The following SLC22A12 variants were observed in gnomAD, a reference collection of about 807,000 sequenced individuals.
SLC22A12 encodes the protein solute carrier family 22 member 12.
Under a neutral mutation model 52.7 loss-of-function variants are expected in SLC22A12, and 56 were observed. The observed-to-expected ratio is 1.06, with a 90% CI of 0.86 to 1.33. SLC22A12 has a LOEUF of 1.33. SLC22A12 is among the 40% of genes most tolerant of loss of function. The pLI, the probability that SLC22A12 is intolerant of heterozygous loss-of-function variation, is 0.00. For synonymous variants in SLC22A12, 337 were observed against 324.6 expected, an observed-to-expected ratio of 1.04 and a Z score of -0.41; for missense variants, 683 against 741.5, an observed-to-expected ratio of 0.92 and a Z score of 0.92.
At chr11:64,598,733 C>T in intron 5 of SLC22A12, 75 bp from the exon 6 acceptor site, 1 of 1,606,128 alleles carries the variant, frequency 6.2e-7, no homozygotes, top group Non-Finnish European at 8.5e-7. Flanking sequence ...CCTCAGCTCC[C>T]TGGGAAGAAG....
intron 4 of SLC22A12, among the ~76,000 whole-genome samples, chr11:64,595,240 GGATGGA>G (rs2039104096): frequency 2.9e-5 from 4 of 136,544 alleles, no homozygotes; most frequent in Non-Finnish European, 6.3e-5. Context: ...ATGGATGGAT[GGATGGA>G]TGGATGGAAT....
intron 4 of SLC22A12, among the ~76,000 whole-genome samples, chr11:64,594,440 A>C (rs2039020410): frequency 6.6e-6 from 1 of 152,248 alleles, no homozygotes; most frequent in African/African-American, 2.4e-5. Context: ...GTGCTAAATA[A>C]ATATTTGTTG....
rs1287878580 is a variant in SLC22A12 at position 64,598,558 on chromosome 11, G to A, written c.873G>A (p.Arg291=). The A allele has an allele frequency of 6.2e-7, 1 of 1,603,984 alleles. No homozygotes were observed. Among genetic ancestry groups the A allele is most frequent in the East Asian group, 2.3e-5 (1 of 44,424 alleles). The part of the protein sequence containing the change: ...ESARWLLTTG[R]LDWGLQELWR... ...CACGATGGCTCCTCACCACAGGCAG[G>A]CTGGATTGGGGCCTGCAGGAGCTGT... The change falls in exon 5 of 10, where the codon AGG becomes AGA. Residue 291 remains arginine (R), a synonymous_variant. Transcript: ENST00000377574.
At position 64,591,252 on chromosome 11, in the gene SLC22A12, C is replaced by A. The variant is rs1231555936; in HGVS notation, c.-305C>A. ...AATTAAAGTCTTCAGTCTCCACATTCCCTACTTTCCAAATTCAGCTTTCCC... is the reference window on the plus strand; with the variant it reads ...AATTAAAGTCTTCAGTCTCCACATTACCTACTTTCCAAATTCAGCTTTCCC... On this transcript the variant is annotated 5_prime_UTR_variant, in exon 1 of 10. Transcript: ENST00000377574. The A allele has an allele frequency of 2.2e-6, 1 of 454,942 alleles. No homozygotes were observed. The highest frequency in any genetic ancestry group is 4.0e-6 in the Non-Finnish European group (1 of 252,430). The allele number at this position is 454,942 out of a possible 1,614,324, so 28.2% of individuals were successfully genotyped here.
chr11:64,596,354 G>A (rs964203593), intron 4 of SLC22A12, among the ~76,000 whole-genome samples: 4 of 144,486 alleles, frequency 2.8e-5, no homozygotes, highest in African/African-American at 1.0e-4. Flanking sequence ...ATGGATGGAT[G>A]AATGGATGGA....
At position 64,598,650 on chromosome 11, in the gene SLC22A12, G is replaced by A; in HGVS notation, c.954+11G>A. On this transcript the variant is annotated intron_variant, in intron 5 of 9. Transcript: ENST00000377574. The stretch of plus-strand genomic sequence containing the variant: ...ACCCTGACCCCTGAGGTAAGGCTGG[G>A]TCCTCCTCAAACCCGGACCCTCAGA... The A allele has an allele frequency of 2.5e-6, 4 of 1,609,030 alleles. No homozygotes were observed. Among genetic ancestry groups the A allele is most frequent in the Non-Finnish European group, 3.4e-6 (4 of 1,178,202 alleles).
chr11:64,591,611 C>G lies in SLC22A12; in HGVS notation c.55C>G (p.Leu19Val). 6.2e-7 allele frequency: 1 copy of G among 1,613,226 alleles called. No individual in the cohort carries two copies. Among genetic ancestry groups the G allele is most frequent in the Non-Finnish European group, 8.5e-7 (1 of 1,180,028 alleles). The change falls in exon 1 of 10, where the codon CTC (leucine) becomes GTC (valine). Residue 19 changes from leucine to valine, a missense_variant. Coordinates refer to ENST00000377574, the MANE Select transcript of SLC22A12 (RefSeq NM_144585.4). ...GGGTGGCCTGGGCAGGTTCCAGGTT[C>G]TCCAGACGATGGCTCTGATGGTCTC... ...LVGGLGRFQV[L>V]QTMALMVSIM...
At position 64,598,878 on chromosome 11, in the gene SLC22A12, G is replaced by A. The variant is rs140376651; in HGVS notation, c.1025G>A (p.Arg342His). 8.4e-5 allele frequency: 136 copies of A among 1,612,868 alleles called. 1 individual carries two copies. Among genetic ancestry groups the A allele is most frequent in the East Asian group, 4.9e-4 (22 of 44,868 alleles). Residue 342 changes from arginine (R) to histidine (H), a missense_variant, in exon 6 of 10, where the codon CGC (arginine) becomes CAC (histidine). By Grantham distance (29) the Arg-to-His change is conservative. Transcript: ENST00000377574. ...CCTGCCAGCCTGGGCACCCTGCTCC[G>A]CATGCCCGGACTGCGCTTCCGGACC... is the stretch of plus-strand genomic sequence containing the variant. ...QPPASLGTLL[R>H]MPGLRFRTCI...
rs1217721764 is a variant in SLC22A12 at position 64,600,475 on chromosome 11, G to A, written c.1394G>A (p.Arg465Lys). ...YSSELFPTVLRMTAVGLGQMA... is the reference protein window; with the variant it reads ...YSSELFPTVLKMTAVGLGQMA... ...AGCGAGCTCTTCCCCACTGTGCTCA[G>A]GTGAGGCTGGGCCTGGGCTCCAGGA... is the stretch of plus-strand genomic sequence containing the variant. The change falls in exon 8 of 10, where the codon AGG becomes AAG. Residue 465 changes from arginine (R) to lysine (K), a missense_variant and splice_region_variant. Physicochemically the swap from Arg to Lys is conservative, Grantham distance 26. Coordinates refer to ENST00000377574, the MANE Select transcript of SLC22A12 (RefSeq NM_144585.4). 3 of 1,596,962 alleles carry A rather than the reference G, an allele frequency of 1.9e-6. No homozygotes were observed. The highest frequency in any genetic ancestry group is 1.7e-5 in the Admixed American group (1 of 58,710).
At chr11:64,598,693 C>A (rs2039335709) in intron 5 of SLC22A12, 54 bp downstream of exon 5, 23 of 1,599,430 alleles carry the variant, frequency 1.4e-5, no homozygotes, top group Non-Finnish European at 2.0e-5. Flanking sequence ...CCTGCCCCTG[C>A]ATAGGGCACC....
At position 64,598,865 on chromosome 11, in the gene SLC22A12, G is replaced by C. The variant is rs1474149115; in HGVS notation, c.1012G>C (p.Gly338Arg). 3.1e-6 allele frequency: 5 copies of C among 1,612,756 alleles called. No homozygotes were observed. The highest frequency in any genetic ancestry group is 4.2e-6 in the Non-Finnish European group (5 of 1,179,996). The change falls in exon 6 of 10, where the codon GGC becomes CGC. Residue 338 changes from glycine to arginine, a missense_variant. Coordinates refer to ENST00000377574, the MANE Select transcript of SLC22A12 (RefSeq NM_144585.4). ...CATGGGCCAGCCTCCTGCCAGCCTGGGCACCCTGCTCCGCATGCCCGGACT... is the reference window on the plus strand; with the variant it reads ...CATGGGCCAGCCTCCTGCCAGCCTGCGCACCCTGCTCCGCATGCCCGGACT... ...LSMGQPPASLGTLLRMPGLRF... is the reference protein window; with the variant it reads ...LSMGQPPASLRTLLRMPGLRF...
Position 64,591,327 on chromosome 11 carries a change from A to C in SLC22A12, c.-230A>C. ...CTGGGGAGATGCTGGAGGTCTCGGA[A>C]TCACCTCACGCGGCCTCAGGGCCCA... On this transcript the variant is annotated 5_prime_UTR_variant, in exon 1 of 10. Transcript: ENST00000377574. 1.7e-6 allele frequency: 1 copy of C among 588,084 alleles called. No individual in the cohort carries two copies. The highest frequency in any genetic ancestry group is 3.0e-6 in the Non-Finnish European group (1 of 334,590). 36.4% of individuals were successfully genotyped at this position (588,084 alleles called of 1,614,324 possible).
At chr11:64,595,696 AATAG>A (rs1402159461) in intron 4 of SLC22A12, among the ~76,000 whole-genome samples, 1 of 133,212 alleles carries the variant, frequency 7.5e-6, no homozygotes, top group Non-Finnish European at 1.6e-5. Context: ...GGATGGTTGG[AATAG>A]ATGGATGGAT....
chr11:64,595,094 AGGAT>A (rs752538108), intron 4 of SLC22A12, among the ~76,000 whole-genome samples: 549 of 40,066 alleles, frequency 0.014, 21 homozygotes, highest in Non-Finnish European at 0.019. Context: ...ATAGATGGAA[AGGAT>A]GGATGGATGG....
In SLC22A12 at chr11:64,591,703, C is replaced by T; in HGVS notation, c.147C>T (p.Cys49=). The T allele has an allele frequency of 6.8e-6, 11 of 1,612,454 alleles. No individual in the cohort carries two copies. The highest frequency in any genetic ancestry group is 8.5e-6 in the Non-Finnish European group (10 of 1,180,020). The change falls in exon 1 of 10, where the codon TGC becomes TGT. Residue 49 remains cysteine (C), a synonymous_variant. Coordinates refer to ENST00000377574, the MANE Select transcript of SLC22A12 (RefSeq NM_144585.4). ...CGGCCGCCGTGCCCAGCCACCGCTG[C>T]TGGGCACCCCTCCTGGACAACAGCA... is the stretch of plus-strand genomic sequence containing the variant. ...NFSAAVPSHR[C]WAPLLDNSTA...
chr11:64,601,844 G>A lies in SLC22A12; in HGVS notation c.*293G>A, dbSNP rs890512417. On this transcript the variant is annotated 3_prime_UTR_variant, in exon 10 of 10. Coordinates refer to ENST00000377574, the MANE Select transcript of SLC22A12 (RefSeq NM_144585.4). ...GGAGAGCAGAGGGGTCAGGCCCAGG[G>A]GAACGAGCTGGCCTTGCCAACCCTC... The A allele has an allele frequency of 2.4e-6, 1 of 425,504 alleles. No homozygotes were observed. The highest frequency in any genetic ancestry group is 4.4e-6 in the Non-Finnish European group (1 of 226,194). 26.4% of individuals were successfully genotyped at this position (425,504 alleles called of 1,614,324 possible). A position where few individuals can be genotyped will look rare whatever the true frequency, so the allele number is the denominator to read the frequency against.
chr11:64,598,979 C>G, intron 6 of SLC22A12, 56 bp downstream of exon 6: 1 of 1,590,204 alleles, frequency 6.3e-7, no homozygotes, highest in Non-Finnish European at 8.5e-7. Context: ...TCGGGGCTCT[C>G]GCTGGCACAC....
chr11:64,598,845 G>A lies in SLC22A12; in HGVS notation c.992G>A (p.Gly331Asp), dbSNP rs1478264892. 5 of 1,612,628 alleles carry A rather than the reference G, an allele frequency of 3.1e-6. No homozygotes were observed. The African/African-American group carries it at 6.7e-5, about 21-fold the overall frequency. The change falls in exon 6 of 10, where the codon GGC becomes GAC. Residue 331 changes from glycine to aspartate, a missense_variant. Gly to Asp is a moderately conservative substitution (Grantham distance 94, BLOSUM62 -1). Transcript: ENST00000377574. ...GCCATGCGGGAGGAGCTGAGCATGG[G>A]CCAGCCTCCTGCCAGCCTGGGCACC... ...LSAMREELSM[G>D]QPPASLGTLL...
intron 2 of SLC22A12, 119 bp from the exon 3 acceptor site, chr11:64,593,286 G>A (rs71581773): frequency 1.4e-5 from 21 of 1,498,096 alleles, no homozygotes; most frequent in East Asian, 6.8e-5. Context: ...CCCAGGTGCC[G>A]CTTCAGTGTC....
Sources: gnomAD v4.1 joint callset for allele counts (sites outside exome capture counted in the v4.1 genomes callset) on GRCh38, gnomAD v4.1.1 for gene constraint, MANE v1.5 for transcripts, NCBI Gene and HGNC (gene_info 2026-07-23, HGNC 2026-07-21) for gene names.